MARCHF2: variants seen among roughly 807,000 people sequenced by gnomAD.
MARCHF2 encodes membrane associated ring-CH-type finger 2, also known as E3 ubiquitin-protein ligase MARCHF2.
Under a neutral mutation model 24.0 loss-of-function variants are expected in MARCHF2, and 22 were observed. That is an observed-to-expected ratio of 0.92 (90% CI 0.66 to 1.31). The LOEUF is 1.31. Ranked by LOEUF, MARCHF2 falls within the 50% of genes most tolerant of loss-of-function variation. The pLI is 0.00. For missense variants in MARCHF2, 301 were observed against 335.3 expected (o/e 0.90, Z 0.80); for synonymous variants, 154 against 153.0 (o/e 1.01, Z -0.05).
rs1967771898 is a variant in MARCHF2, at chr19:8,437,829, A to G, written c.583-559A>G. 1.3e-5 allele frequency among the ~76,000 whole-genome samples: 2 copies of G among 149,516 alleles called. 1 individual carries two copies. Among genetic ancestry groups the G allele is most frequent in the South Asian group, 4.3e-4 (2 of 4,694 alleles). On this transcript the variant is annotated intron_variant, in intron 4 of 4. Transcript: ENST00000215555. The stretch of plus-strand genomic sequence containing the variant: ...GCGTGATTTCGGCTCACTGCGGCCC[A>G]TATCTCCCAGGCTCAGGCGATTCTC...
chr19:8,430,769 G>A lies in MARCHF2; in HGVS notation c.484G>A (p.Gly162Arg), dbSNP rs1967560453. 5.0e-6 allele frequency: 8 copies of A among 1,611,234 alleles called. No individual in the cohort carries two copies. Among genetic ancestry groups the A allele is most frequent in the Non-Finnish European group, 3.4e-6 (4 of 1,179,998 alleles). Reference protein sequence around the residue: ...AAISGWLCLRGAQDHLRLHSQ... With the variant: ...AAISGWLCLRRAQDHLRLHSQ... ...CATCTCAGGCTGGTTGTGCCTGCGC[G>A]GGGCCCAGGACCACCTCCGGCTCCA... Residue 162 changes from glycine (G) to arginine (R), a missense_variant, in exon 4 of 5, where the codon GGG becomes AGG. Gly to Arg is a moderately radical substitution (Grantham distance 125). Transcript: ENST00000215555. The surrounding 1 kb of genome is among the most constrained non-coding windows in gnomAD (Gnocchi z 4.4).
chr19:8,421,372 T>G (rs1967234187), intron 1 of MARCHF2, among the ~76,000 whole-genome samples: 1 of 142,262 alleles, frequency 7.0e-6, no homozygotes, highest in Non-Finnish European at 1.5e-5. Context: ...TTTACTTTTT[T>G]CTTTCTTTTC....
At chr19:8,421,706 C>A in intron 1 of MARCHF2, 83 bp from the exon 2 acceptor site, 1 of 706,086 alleles carries the variant, frequency 1.4e-6, no homozygotes, top group Non-Finnish European at 2.3e-6. Flanking sequence ...GTGGTCCCTA[C>A]AGCCTTGACA....
rs543037113 is a variant in MARCHF2 at position 8,428,017 on chromosome 19, T to A, written c.372+1213T>A. Among the ~76,000 whole-genome samples the A allele has an allele frequency of 1.3e-4, 20 of 151,796 alleles. No homozygotes were observed. In the South Asian group the frequency reaches 4.0e-3, roughly 30 times the overall value. On this transcript the variant is annotated intron_variant, in intron 3 of 4. Transcript: ENST00000215555. ...GGCTCATGCCTGTAATCCCAGCACT[T>A]GGGGAGGCCGAGGCGGGCGGATCAC...
intron 4 of MARCHF2, among the ~76,000 whole-genome samples, chr19:8,434,081 CTTTTT>C (rs750325194): frequency 9.4e-6 from 1 of 105,990 alleles, no homozygotes; most frequent in Non-Finnish European, 1.9e-5. Context: ...ACCAGCATTT[CTTTTT>C]TTTTTTTTTT....
In MARCHF2 at chr19:8,419,660, G is replaced by GA. The variant is rs1365349237; in HGVS notation, c.-52-2123dup. Among the ~76,000 whole-genome samples, 5 of 139,278 alleles carry GA rather than the reference G, an allele frequency of 3.6e-5. No homozygotes were observed. The East Asian group carries it at 1.1e-3, about 31-fold the overall frequency. The allele number at this position is 139,278 out of a possible 152,430, so 91.4% of individuals were successfully genotyped here. A position where few individuals can be genotyped will look rare whatever the true frequency, so the allele number is the denominator to read the frequency against. On this transcript the variant is annotated intron_variant, in intron 1 of 4. Coordinates refer to ENST00000215555, the MANE Select transcript of MARCHF2 (RefSeq NM_001005415.2). ...TGAAACCCCGTCTCTACTAAAAATA[G>GA]AAAAAATTAGCCGGGCGTGGTGGCG...
In MARCHF2 at chr19:8,438,753, A is replaced by C; in HGVS notation, c.*207A>C. 4 of 519,014 alleles carry C rather than the reference A, an allele frequency of 7.7e-6. No individual in the cohort carries two copies. The highest frequency in any genetic ancestry group is 1.3e-5 in the Non-Finnish European group (4 of 304,580). The allele number at this position is 519,014 out of a possible 1,614,324, so 32.2% of individuals were successfully genotyped here. A position where few individuals can be genotyped will look rare whatever the true frequency, so the allele number is the denominator to read the frequency against. ...GGTTTTTTTTTTTTTTTTTTTGCAT[A>C]TGGAGGACAGGTGGACATGGTCCTG... On this transcript the variant is annotated 3_prime_UTR_variant, in exon 5 of 5. Transcript: ENST00000215555.
chr19:8,425,398 C>CA (rs967644818), intron 2 of MARCHF2, among the ~76,000 whole-genome samples: 244 of 116,402 alleles, frequency 2.1e-3, no homozygotes, highest in African/African-American at 3.4e-3. Flanking sequence ...GACTCCATCT[C>CA]AAAAAAAAAA....
At position 8,413,416 on chromosome 19, in the gene MARCHF2, A is replaced by G. The variant is rs905644537; in HGVS notation, c.-57A>G. 3.3e-5 allele frequency: 5 copies of G among 151,554 alleles called. No homozygotes were observed. Among genetic ancestry groups the G allele is most frequent in the African/African-American group, 9.7e-5 (4 of 41,292 alleles). 9.4% of individuals were successfully genotyped at this position (151,554 alleles called of 1,614,324 possible). A position where few individuals can be genotyped will look rare whatever the true frequency, so the allele number is the denominator to read the frequency against. Reference sequence around the variant, plus strand: ...GTGCGGCCGCCCGGCCCGGCCGCGGATCAGGTAGGCACGGGCCTGCAGGTA... The same window carrying G: ...GTGCGGCCGCCCGGCCCGGCCGCGGGTCAGGTAGGCACGGGCCTGCAGGTA... On this transcript the variant is annotated 5_prime_UTR_variant, in exon 1 of 5. Coordinates refer to ENST00000215555, the MANE Select transcript of MARCHF2 (RefSeq NM_001005415.2).
At chr19:8,417,471 G>GCT (rs1568234360) in intron 1 of MARCHF2, among the ~76,000 whole-genome samples, 1 of 151,836 alleles carries the variant, frequency 6.6e-6, no homozygotes, top group Non-Finnish European at 1.5e-5. Context: ...ATGAAGTCTT[G>GCT]CTGTCACCCA....
rs555783988 is a variant in MARCHF2, at chr19:8,430,277, C to A, written c.373-381C>A. On this transcript the variant is annotated intron_variant, in intron 3 of 4. Transcript: ENST00000215555. This position sits in a 1 kb window ranked among gnomAD's most constrained non-coding sequence, Gnocchi z 4.4. ...ACTCGGGAGGCTGAGGTGGGAGAATCGCTTGAACCTGGGATGTTGAGGTTG... is the reference window on the plus strand; with the variant it reads ...ACTCGGGAGGCTGAGGTGGGAGAATAGCTTGAACCTGGGATGTTGAGGTTG... 6.6e-6 allele frequency among the ~76,000 whole-genome samples: 1 copy of A among 151,636 alleles called. No homozygotes were observed. The highest frequency in any genetic ancestry group is 1.5e-5 in the Non-Finnish European group (1 of 67,920).
At chr19:8,414,208 G>A (rs1028077270) in intron 1 of MARCHF2, among the ~76,000 whole-genome samples, 3 of 152,010 alleles carry the variant, frequency 2.0e-5, no homozygotes, top group African/African-American at 7.2e-5. Flanking sequence ...ATTATAATAA[G>A]AGCTAATAGT....
Position 8,421,863 on chromosome 19 carries a change from A to G in MARCHF2, c.23A>G (p.His8Arg). The change falls in exon 2 of 5, where the codon CAC (histidine) becomes CGC (arginine). Residue 8 changes from histidine to arginine, a missense_variant. By Grantham distance (29) the His-to-Arg change is conservative (BLOSUM62 0). Coordinates refer to ENST00000215555, the MANE Select transcript of MARCHF2 (RefSeq NM_001005415.2). Reference protein sequence around the residue: MTTGDCCHLPGSLCDCSG... With the variant: MTTGDCCRLPGSLCDCSG... ...GCCATGACGACGGGTGACTGCTGCC[A>G]CCTCCCCGGCTCCCTGTGTGACTGC... 1 of 1,610,218 alleles carries G rather than the reference A, an allele frequency of 6.2e-7. No individual in the cohort carries two copies.
At chr19:8,432,441 A>G (rs1293134449) in intron 4 of MARCHF2, among the ~76,000 whole-genome samples, 2 of 152,084 alleles carry the variant, frequency 1.3e-5, no homozygotes, top group Non-Finnish European at 2.9e-5. Context: ...AGATCTCTTG[A>G]GGTTAGGAGT....
intron 4 of MARCHF2, among the ~76,000 whole-genome samples, chr19:8,432,832 A>C (rs1967617222): frequency 6.6e-6 from 1 of 151,542 alleles, no homozygotes; most frequent in South Asian, 2.1e-4. Context: ...TCTGCCTGTA[A>C]TCCCAGTATT....
chr19:8,421,976 C>T lies in MARCHF2; in HGVS notation c.136C>T (p.Arg46Trp), dbSNP rs754023573. The T allele has an allele frequency of 7.4e-6, 12 of 1,613,070 alleles. No homozygotes were observed. Among genetic ancestry groups the T allele is most frequent in the East Asian group, 2.2e-5 (1 of 44,836 alleles). ...YVAQVTSRDG[R>W]LLSTVIRALD... ...GGCACAGGTGACTTCAAGGGATGGC[C>T]GGCTCCTCTCCACCGTCATCCGTGC... is the stretch of plus-strand genomic sequence containing the variant. Residue 46 changes from arginine to tryptophan, a missense_variant, in exon 2 of 5, where the codon CGG (arginine) becomes TGG (tryptophan). Arg to Trp is a moderately radical substitution (Grantham distance 101). Coordinates refer to ENST00000215555, the MANE Select transcript of MARCHF2 (RefSeq NM_001005415.2).
At chr19:8,434,878 G>A (rs1306315838) in intron 4 of MARCHF2, among the ~76,000 whole-genome samples, 3 of 150,872 alleles carry the variant, frequency 2.0e-5, no homozygotes, top group Non-Finnish European at 4.4e-5. Context: ...GCTAATTTTT[G>A]TATTTTTAGT....
rs1038014196 is a variant in MARCHF2, at chr19:8,436,049, C to T, written c.583-2339C>T. Among the ~76,000 whole-genome samples the T allele has an allele frequency of 1.4e-4, 21 of 151,712 alleles. 1 individual carries two copies. Among genetic ancestry groups the T allele is most frequent in the African/African-American group, 3.6e-4 (15 of 41,366 alleles). On this transcript the variant is annotated intron_variant, in intron 4 of 4. Transcript: ENST00000215555. The stretch of plus-strand genomic sequence containing the variant: ...ATTTTTGTATTTTTTTGGTGGAGAC[C>T]GGGTTTTGCCATGTTGCCCAGGCTA...
intron 3 of MARCHF2, among the ~76,000 whole-genome samples, chr19:8,428,252 T>G (rs1967465985): frequency 6.9e-6 from 1 of 145,770 alleles, no homozygotes; most frequent in Non-Finnish European, 1.5e-5. Context: ...AGAGTGAGAC[T>G]CCATCTCAAA....
Sources: gnomAD v4.1 joint callset for allele counts (sites outside exome capture counted in the v4.1 genomes callset) on GRCh38, gnomAD v4.1.1 for gene constraint, Gnocchi (gnomAD v3.1) non-coding constraint, MANE v1.5 for transcripts, NCBI Gene and HGNC (gene_info 2026-07-23, HGNC 2026-07-21) for gene names.